TOPAZ1: variants seen among roughly 807,000 people sequenced by gnomAD.
The protein encoded by TOPAZ1 is protein TOPAZ1.
A neutral mutation model predicts 172.2 loss-of-function variants in TOPAZ1; 66 were observed. The observed-to-expected ratio is 0.38, with a 90% CI of 0.31 to 0.47. TOPAZ1 has a LOEUF of 0.47. Among genes scored for constraint, TOPAZ1 ranks in the 20% least tolerant of loss-of-function variants. The pLI, the probability that TOPAZ1 is intolerant of heterozygous loss-of-function variation, is 0.99. For synonymous variants in TOPAZ1, 681 were observed against 683.9 expected (o/e 1.00, Z 0.07); for missense variants, 1,822 against 1,972.4 (o/e 0.92, Z 1.44).
intron 12 of TOPAZ1, among the ~76,000 whole-genome samples, chr3:44,294,496 A>G (rs1234419074): frequency 1.3e-5 from 2 of 152,010 alleles, no homozygotes; most frequent in South Asian, 2.1e-4. Context: ...GCACTAGGCA[A>G]TTATTTTTTT....
rs147087551 is a variant in TOPAZ1 at position 44,253,356 on chromosome 3, G to A, written c.2766-1612G>A. Reference sequence around the variant, plus strand: ...AAAATCATTATAGCTCTGGTGTGGAGGATAAACTGGCAGGGAGCTATTGTA... The same window carrying A: ...AAAATCATTATAGCTCTGGTGTGGAAGATAAACTGGCAGGGAGCTATTGTA... On this transcript the variant is annotated intron_variant, in intron 2 of 19. Coordinates refer to ENST00000309765, the MANE Select transcript of TOPAZ1 (RefSeq NM_001145030.2). Among the ~76,000 whole-genome samples, 372 of 152,304 alleles carry A rather than the reference G, an allele frequency of 2.4e-3. 2 individuals carry two copies. Among genetic ancestry groups the A allele is most frequent in the Non-Finnish European group, 4.6e-3 (311 of 68,024 alleles).
chr3:44,261,791 G>A (rs370393651), intron 4 of TOPAZ1, among the ~76,000 whole-genome samples: 6 of 152,232 alleles, frequency 3.9e-5, no homozygotes, highest in South Asian at 2.1e-4. Context: ...CCATGATCAT[G>A]GAATGTTTTT....
rs1559540790 is a variant in TOPAZ1, at chr3:44,295,884, A to G, written c.3797+4998A>G. On this transcript the variant is annotated intron_variant, in intron 12 of 19. Coordinates refer to ENST00000309765, the MANE Select transcript of TOPAZ1 (RefSeq NM_001145030.2). Reference sequence around the variant, plus strand: ...CATCAATCAACAGGGTTTAATAGACATTTATAGAACACTGTACCCCAAAAC... The same window carrying G: ...CATCAATCAACAGGGTTTAATAGACGTTTATAGAACACTGTACCCCAAAAC... 2.0e-5 allele frequency among the ~76,000 whole-genome samples: 3 copies of G among 152,178 alleles called. No homozygotes were observed. The South Asian group carries it at 6.2e-4, about 32-fold the overall frequency.
At chr3:44,333,212 G>A (rs891141397), downstream of TOPAZ1, among the ~76,000 whole-genome samples, 1 of 152,034 alleles carries the variant, frequency 6.6e-6, no homozygotes, top group Non-Finnish European at 1.5e-5. Flanking sequence ...AGACTAGGAA[G>A]GTTAAATCCT....
chr3:44,260,100 A>G (rs1699758950), intron 4 of TOPAZ1, among the ~76,000 whole-genome samples: 1 of 152,166 alleles, frequency 6.6e-6, no homozygotes, highest in Admixed American at 6.5e-5. Flanking sequence ...CTTGTGAAGA[A>G]GGGGCCTTGC....
At chr3:44,318,229 A>G (rs36051440) in intron 16 of TOPAZ1, among the ~76,000 whole-genome samples, 70,650 of 151,884 alleles carry the variant, frequency 0.47, 17,585 homozygotes, top group East Asian at 0.8. Context: ...GGGTGGATTG[A>G]TCACCTGAGG....
Position 44,244,399 on chromosome 3 carries a change from A to AG in TOPAZ1, c.1894dup (p.Ala632GlyfsTer2). On this transcript the variant is annotated frameshift_variant, in exon 2 of 20. Coordinates refer to ENST00000309765, the MANE Select transcript of TOPAZ1 (RefSeq NM_001145030.2). LOFTEE classifies it high-confidence loss of function. Reference sequence around the variant, plus strand: ...AAAGCTTAACGGGAAATAAAAAAAAAGCTAGAGGAAATTTAACGAAACTTA... The same window carrying AG: ...AAAGCTTAACGGGAAATAAAAAAAAAGGCTAGAGGAAATTTAACGAAACTTA... 5 of 1,551,252 alleles carry AG rather than the reference A, an allele frequency of 3.2e-6. No individual in the cohort carries two copies. Among genetic ancestry groups the AG allele is most frequent in the Non-Finnish European group, 4.4e-6 (5 of 1,146,862 alleles).
chr3:44,245,779 T>C (rs1175294802), intron 2 of TOPAZ1, among the ~76,000 whole-genome samples: 4 of 152,132 alleles, frequency 2.6e-5, no homozygotes, highest in Non-Finnish European at 5.9e-5. Flanking sequence ...GACCTCGTGA[T>C]CCACCCGCCT....
chr3:44,297,695 G>C (rs554268175), intron 12 of TOPAZ1, among the ~76,000 whole-genome samples: 1 of 152,026 alleles, frequency 6.6e-6, no homozygotes, highest in African/African-American at 2.4e-5. Flanking sequence ...AAATAAAACT[G>C]TCCGTATTTG....
chr3:44,257,494 G>C (rs1699728419), intron 4 of TOPAZ1, among the ~76,000 whole-genome samples: 2 of 46,840 alleles, frequency 4.3e-5, no homozygotes, highest in Non-Finnish European at 1.0e-4. Flanking sequence ...GTGTGTGTGT[G>C]TGTGTGTGTG....
Position 44,243,680 on chromosome 3 carries a change from A to G in TOPAZ1, c.1174A>G (p.Met392Val). The change falls in exon 2 of 20, where the codon ATG (methionine) becomes GTG (valine). Residue 392 changes from methionine to valine, a missense_variant. Physicochemically the swap from Met to Val is conservative, Grantham distance 21 (BLOSUM62 1). Around this residue, in one of 2 missense-constraint regions of TOPAZ1, gnomAD observed 1,489 missense variants for 1,490.8 expected, o/e 1.00. Transcript: ENST00000309765. Reference sequence around the variant, plus strand: ...AGTAAGCCATAATACAGTCTCTTTGATGGATCATTTATTAAGTGTCCCAGA... The same window carrying G: ...AGTAAGCCATAATACAGTCTCTTTGGTGGATCATTTATTAAGTGTCCCAGA... ...RKVSHNTVSL[M>V]DHLLSVPETV... The G allele has an allele frequency of 6.5e-7, 1 of 1,550,268 alleles. No homozygotes were observed. The highest frequency in any genetic ancestry group is 8.7e-7 in the Non-Finnish European group (1 of 1,146,904).
At position 44,245,012 on chromosome 3, in the gene TOPAZ1, G is replaced by A. The variant is rs996990136; in HGVS notation, c.2506G>A (p.Val836Ile). 2.6e-6 allele frequency: 4 copies of A among 1,551,730 alleles called. No homozygotes were observed. The highest frequency in any genetic ancestry group is 3.5e-6 in the Non-Finnish European group (4 of 1,147,000). Residue 836 changes from valine to isoleucine, a missense_variant, in exon 2 of 20, where the codon GTT (valine) becomes ATT (isoleucine). Val to Ile is a conservative substitution (Grantham distance 29). This residue lies in a region of TOPAZ1 where 1,489 missense variants were observed against 1,490.8 expected (regional missense o/e 1.00). Coordinates refer to ENST00000309765, the MANE Select transcript of TOPAZ1 (RefSeq NM_001145030.2). ...QETFRPVSSE[V>I]RGRKITKNFS... The stretch of plus-strand genomic sequence containing the variant: ...AACATTCCGACCAGTGTCCAGTGAA[G>A]TTAGGGGTAGAAAAATAACTAAGAA...
Position 44,242,854 on chromosome 3 carries a change from C to A in TOPAZ1, c.348C>A (p.Thr116=). Residue 116 remains threonine (T), a splice_region_variant and synonymous_variant, in exon 2 of 20, where the codon ACC becomes ACA. Coordinates refer to ENST00000309765, the MANE Select transcript of TOPAZ1 (RefSeq NM_001145030.2). ...GATATATTTTGTTGTTTTGATCAGC[C>A]AAGGAAAAAAGAAAAGTTACTGAAG... ...AELPLQTERH[T]KEKRKVTEAS... is the part of the protein sequence containing the mutation. The A allele has an allele frequency of 6.7e-7, 1 of 1,493,714 alleles. No homozygotes were observed. The highest frequency in any genetic ancestry group is 8.9e-7 in the Non-Finnish European group (1 of 1,125,692). 92.5% of individuals were successfully genotyped at this position (1,493,714 alleles called of 1,614,324 possible). A position where few individuals can be genotyped will look rare whatever the true frequency, so the allele number is the denominator to read the frequency against.
At position 44,287,373 on chromosome 3, in the gene TOPAZ1, A is replaced by G. The variant is rs1035768473; in HGVS notation, c.3437-16A>G. 3 of 1,398,416 alleles carry G rather than the reference A, an allele frequency of 2.1e-6. No homozygotes were observed. The highest frequency in any genetic ancestry group is 1.5e-5 in the African/African-American group (1 of 67,630). The allele number at this position is 1,398,416 out of a possible 1,614,324, so 86.6% of individuals were successfully genotyped here. A position where few individuals can be genotyped will look rare whatever the true frequency, so the allele number is the denominator to read the frequency against. ...GAAGCAGCAAATGACTTTAGTATAT[A>G]TATTTTCATTTTCAGTAAACATATT... On this transcript the variant is annotated splice_polypyrimidine_tract_variant and intron_variant, in intron 9 of 19. Transcript: ENST00000309765.
intron 12 of TOPAZ1, among the ~76,000 whole-genome samples, chr3:44,295,599 G>T (rs1449479398): frequency 6.6e-6 from 1 of 152,116 alleles, no homozygotes; most frequent in African/African-American, 2.4e-5. Context: ...TATGAATAAC[G>T]AATTAAATAG....
intron 2 of TOPAZ1, among the ~76,000 whole-genome samples, chr3:44,250,120 C>T (rs897088907): frequency 3.3e-5 from 5 of 151,846 alleles, no homozygotes; most frequent in African/African-American, 7.3e-5. Flanking sequence ...GGATCTATGC[C>T]GGGCAAATTA....
intron 12 of TOPAZ1, among the ~76,000 whole-genome samples, chr3:44,291,322 GC>G (rs1221002524): frequency 2.1e-5 from 3 of 139,942 alleles, no homozygotes; most frequent in Non-Finnish European, 4.6e-5. Context: ...AAAAAAAAAA[GC>G]CAGGCGCCGT....
intron 16 of TOPAZ1, among the ~76,000 whole-genome samples, chr3:44,313,731 G>C (rs1289316949): frequency 6.6e-6 from 1 of 151,976 alleles, no homozygotes; most frequent in Non-Finnish European, 1.5e-5. Flanking sequence ...GCAGATGTTA[G>C]TTAACAATTC....
chr3:44,269,622 C>G (rs1316590790), intron 7 of TOPAZ1, among the ~76,000 whole-genome samples: 1 of 149,944 alleles, frequency 6.7e-6, no homozygotes, highest in Non-Finnish European at 1.5e-5. Context: ...GGTTGTATTT[C>G]CCTATCCTTT....
Sources: allele counts gnomAD v4.1 joint callset (sites outside exome capture counted in the v4.1 genomes callset), GRCh38; gene constraint gnomAD v4.1.1; regional missense constraint gnomAD v4.1.1; transcripts MANE v1.5; gene names NCBI Gene and HGNC (gene_info 2026-07-23, HGNC 2026-07-21).